Variants in DIP2C observed in about 807,000 individuals in gnomAD.
DIP2C encodes DIP2 acetate--CoA ligase C (putative).
In DIP2C, 33 loss-of-function variants were observed where a neutral mutation model predicts 192.4. That is an observed-to-expected ratio of 0.17 (90% CI 0.13 to 0.23). DIP2C has a LOEUF of 0.23. Ranked by LOEUF, DIP2C falls within the 10% of genes least tolerant of loss-of-function variation. The pLI is 1.00. For synonymous variants in DIP2C, 979 were observed against 864.1 expected (o/e 1.13, Z -2.33); for missense variants, 1,537 against 2,110.1 (o/e 0.73, Z 5.32).
intron 1 of DIP2C, among the ~76,000 whole-genome samples, chr10:519,276 C>A (rs191355509): frequency 6.6e-6 from 1 of 152,340 alleles, no homozygotes; most frequent in African/African-American, 2.4e-5. Flanking sequence ...CTGCCAACAG[C>A]TGTAAGGGGA....
chr10:498,844 G>A (rs758065251), intron 1 of DIP2C, among the ~76,000 whole-genome samples: 2 of 152,160 alleles, frequency 1.3e-5, no homozygotes, highest in South Asian at 2.1e-4. Flanking sequence ...GAGGCAATGC[G>A]CATTTGTTGA....
At chr10:307,493 G>T (rs1256392165) in intron 32 of DIP2C, among the ~76,000 whole-genome samples, 1 of 152,136 alleles carries the variant, frequency 6.6e-6, no homozygotes, top group East Asian at 1.9e-4. Flanking sequence ...AGGCCCCTGG[G>T]GCCACACTCC....
intron 4 of DIP2C, among the ~76,000 whole-genome samples, chr10:427,829 C>G (rs1231301531): frequency 6.6e-6 from 1 of 152,192 alleles, no homozygotes; most frequent in Non-Finnish European, 1.5e-5. Context: ...TAAAATGGTA[C>G]AGCTATTTTG....
intron 31 of DIP2C, among the ~76,000 whole-genome samples, chr10:318,797 G>A (rs1956881622): frequency 6.6e-6 from 1 of 152,146 alleles, no homozygotes; most frequent in African/African-American, 2.4e-5. Flanking sequence ...TCACCTAAAA[G>A]CAGTGTAGGG....
intron 1 of DIP2C, among the ~76,000 whole-genome samples, chr10:487,574 T>G (rs907402413): frequency 1.8e-5 from 2 of 111,818 alleles, no homozygotes; most frequent in South Asian, 6.5e-4. Flanking sequence ...AGTGTTTTTT[T>G]TTTTTTTTTT....
At chr10:598,501 A>G (rs1377537462) in intron 1 of DIP2C, among the ~76,000 whole-genome samples, 1 of 152,164 alleles carries the variant, frequency 6.6e-6, no homozygotes, top group Non-Finnish European at 1.5e-5. Flanking sequence ...GCCTCGCGAC[A>G]GGGGTAGGGG....
chr10:364,609 A>T (rs779378979), intron 19 of DIP2C, 27 bp from the exon 20 acceptor site: 1 of 1,606,218 alleles, frequency 6.2e-7, no homozygotes, highest in Admixed American at 1.7e-5. Context: ...CCATCAGGCC[A>T]CTGTTCATGT....
At chr10:447,678 T>A (rs12761114) in intron 3 of DIP2C, among the ~76,000 whole-genome samples, 7 of 76,590 alleles carry the variant, frequency 9.1e-5, no homozygotes, top group African/African-American at 3.3e-4. Context: ...CCCATTGATA[T>A]TCAGGATCAC....
chr10:607,828 T>G (rs1022773606), intron 1 of DIP2C, among the ~76,000 whole-genome samples: 3 of 151,996 alleles, frequency 2.0e-5, no homozygotes, highest in African/African-American at 7.3e-5. Flanking sequence ...AAACTAAAAT[T>G]AGTTTAACAA....
At chr10:497,683 G>A (rs757548637) in intron 1 of DIP2C, among the ~76,000 whole-genome samples, 1 of 152,206 alleles carries the variant, frequency 6.6e-6, no homozygotes, top group African/African-American at 2.4e-5. Context: ...TCTGACACAC[G>A]TAAGACCATG....
chr10:546,607 C>T lies in DIP2C; in HGVS notation c.86-60077G>A, dbSNP rs560540300. On this transcript the variant is annotated intron_variant, in intron 1 of 36. Coordinates refer to ENST00000280886, the MANE Select transcript of DIP2C (RefSeq NM_014974.3). ...CTGCTGCCAAATGTCACAAGCGGCA[C>T]TTCCATGCAGGCTGTCTGCAACGCA... Among the ~76,000 whole-genome samples, 172 of 152,360 alleles carry T rather than the reference C, an allele frequency of 1.1e-3. 1 individual carries two copies. The highest frequency in any genetic ancestry group is 4.1e-4 in the Non-Finnish European group (28 of 68,030).
At chr10:628,192 C>T (rs1038073008) in intron 1 of DIP2C, among the ~76,000 whole-genome samples, 1 of 152,150 alleles carries the variant, frequency 6.6e-6, no homozygotes, top group East Asian at 1.9e-4. Context: ...CAGTGCTCTT[C>T]GTCACATTGC....
At chr10:278,909 C>G (rs1320036822) in intron 36 of DIP2C, among the ~76,000 whole-genome samples, 1 of 152,138 alleles carries the variant, frequency 6.6e-6, no homozygotes, top group African/African-American at 2.4e-5. Context: ...GGATGGAGAC[C>G]AGGCTCCAGG....
At chr10:298,789 C>G (rs1229251144) in intron 32 of DIP2C, among the ~76,000 whole-genome samples, 1 of 152,198 alleles carries the variant, frequency 6.6e-6, no homozygotes, top group East Asian at 1.9e-4. Context: ...CCAGACCCTC[C>G]CTGTCACTGG....
chr10:491,380 C>T (rs1844437810), intron 1 of DIP2C, among the ~76,000 whole-genome samples: 1 of 152,186 alleles, frequency 6.6e-6, no homozygotes, highest in African/African-American at 2.4e-5. Flanking sequence ...CTGTCAGGAG[C>T]CCTGGTGCTG....
chr10:627,686 C>G (rs1281416666), intron 1 of DIP2C, among the ~76,000 whole-genome samples: 1 of 152,262 alleles, frequency 6.6e-6, no homozygotes, highest in African/African-American at 2.4e-5. Context: ...CTGCTTTAAG[C>G]CTCAGACTTT....
chr10:558,977 C>A (rs1849051305), intron 1 of DIP2C, among the ~76,000 whole-genome samples: 1 of 152,016 alleles, frequency 6.6e-6, no homozygotes, highest in African/African-American at 2.4e-5. Flanking sequence ...CACCCCACCC[C>A]CTCCACAGGT....
At chr10:641,877 G>T (rs2386712) in intron 1 of DIP2C, 149,311 of 152,052 alleles carry the variant, frequency 0.98, 73,367 homozygotes, top group Middle Eastern at 1. Flanking sequence ...ATACAAAAAT[G>T]AGCCAGGTGT....
intron 32 of DIP2C, among the ~76,000 whole-genome samples, chr10:296,638 C>T (rs548257748): frequency 1.2e-3 from 185 of 152,140 alleles, no homozygotes; most frequent in African/African-American, 4.3e-3. Context: ...GGAACCAACC[C>T]AAATGCCCAT....
Sources: allele counts gnomAD v4.1 joint callset (sites outside exome capture counted in the v4.1 genomes callset), GRCh38; gene constraint gnomAD v4.1.1; transcripts MANE v1.5; gene names NCBI Gene and HGNC (gene_info 2026-07-23, HGNC 2026-07-21).